ERG: variants seen among roughly 807,000 people sequenced by gnomAD.
The protein encoded by ERG is ETS transcription factor ERG.
ERG carries 9 observed loss-of-function variants against 55.3 expected under a neutral mutation model. The ratio of observed to expected loss-of-function variants is 0.16; its 90% CI spans 0.10 to 0.28. The LOEUF is 0.28. Among genes scored for constraint, ERG ranks in the 10% least tolerant of loss-of-function variants. The probability of loss-of-function intolerance (pLI) is 1.00; values close to 1 mark genes in which losing one functional copy is unlikely to be tolerated. For synonymous variants in ERG, 223 were observed against 237.3 expected (o/e 0.94, Z 0.55); for missense variants, 434 against 631.6 (o/e 0.69, Z 3.35).
At chr21:38,658,315 A>G (rs2058633888) in intron 1 of ERG, among the ~76,000 whole-genome samples, 1 of 152,186 alleles carries the variant, frequency 6.6e-6, no homozygotes. Context: ...CAGGCTCCAT[A>G]AGTCTCATTA....
intron 1 of ERG, among the ~76,000 whole-genome samples, chr21:38,657,762 T>A (rs2060528096): frequency 6.6e-6 from 1 of 152,172 alleles, no homozygotes; most frequent in Admixed American, 6.5e-5. Flanking sequence ...TGACAATGCA[T>A]AATGGACAAC....
chr21:38,570,108 C>T (rs1464606675), intron 2 of ERG, among the ~76,000 whole-genome samples: 1 of 152,206 alleles, frequency 6.6e-6, no homozygotes, highest in Admixed American at 6.5e-5. Flanking sequence ...ACATCTTCAG[C>T]TTTACTAGGT....
At chr21:38,377,243 A>C (rs73213818), downstream of ERG, among the ~76,000 whole-genome samples, 68 of 152,350 alleles carry the variant, frequency 4.5e-4, no homozygotes, top group African/African-American at 1.5e-3. Context: ...AAGTAGTAGC[A>C]ATTAGTATTA....
At chr21:38,472,933 T>C (rs1281755690) in intron 1 of ERG, among the ~76,000 whole-genome samples, 1 of 152,162 alleles carries the variant, frequency 6.6e-6, no homozygotes, top group East Asian at 1.9e-4. Flanking sequence ...GAAATGAGTT[T>C]TGCAGCCCAT....
At chr21:38,594,750 CAAT>C (rs1240304136) in intron 1 of ERG, among the ~76,000 whole-genome samples, 2 of 152,150 alleles carry the variant, frequency 1.3e-5, no homozygotes, top group African/African-American at 4.8e-5. Flanking sequence ...ATCCAGACAA[CAAT>C]AATAACTTAG....
intron 1 of ERG, among the ~76,000 whole-genome samples, chr21:38,455,515 C>T (rs1051213065): frequency 2.0e-5 from 3 of 152,108 alleles, no homozygotes; most frequent in Non-Finnish European, 2.9e-5. Flanking sequence ...CGTGAAAAAT[C>T]GGCAGTTTTA....
At chr21:38,442,000 G>A (rs1244697266) in intron 2 of ERG, among the ~76,000 whole-genome samples, 4 of 152,238 alleles carry the variant, frequency 2.6e-5, no homozygotes, top group Non-Finnish European at 5.9e-5. Flanking sequence ...CATCACCGAT[G>A]CTTTAGGAGC....
chr21:38,382,118 C>A lies in ERG; in HGVS notation c.*1285G>T. The A allele has an allele frequency of 1.9e-6, 2 of 1,055,302 alleles. No homozygotes were observed. The highest frequency in any genetic ancestry group is 2.3e-6 in the Non-Finnish European group (2 of 872,882). The allele number at this position is 1,055,302 out of a possible 1,614,324, so 65.4% of individuals were successfully genotyped here. A position where few individuals can be genotyped will look rare whatever the true frequency, so the allele number is the denominator to read the frequency against. ...CTTCATATTGTAAACATTAAGCATA[C>A]AGAGTTAAAATTCAAGGCCACATTA... On this transcript the variant is annotated 3_prime_UTR_variant, in exon 10 of 10. Transcript: ENST00000288319.
intron 3 of ERG, among the ~76,000 whole-genome samples, chr21:38,423,084 AGT>A (rs71184624): frequency 0.12 from 16,619 of 144,228 alleles, 1,048 homozygotes; most frequent in Middle Eastern, 0.19. Context: ...CTCCATACGT[AGT>A]GTGTGTGTGT....
upstream of ERG, among the ~76,000 whole-genome samples, chr21:38,499,220 G>A (rs1020505377): frequency 2.0e-5 from 3 of 152,160 alleles, no homozygotes; most frequent in African/African-American, 7.2e-5. Flanking sequence ...ATATCAGTGA[G>A]CTGGTCTCAC....
In ERG at chr21:38,424,057, C is replaced by T. The variant is rs149483136; in HGVS notation, c.237-496G>A. ...CTCCCGAAATGCATATTTTGAAGCCCTAACTCCCAATGTGATGATATTAGG... is the reference window on the plus strand; with the variant it reads ...CTCCCGAAATGCATATTTTGAAGCCTTAACTCCCAATGTGATGATATTAGG... On this transcript the variant is annotated intron_variant, in intron 2 of 9. Transcript: ENST00000288319. 3.3e-5 allele frequency among the ~76,000 whole-genome samples: 5 copies of T among 152,240 alleles called. No homozygotes were observed. The East Asian group carries it at 9.7e-4, about 29-fold the overall frequency.
At chr21:38,591,936 G>T (rs1283455914) in intron 1 of ERG, among the ~76,000 whole-genome samples, 3 of 152,326 alleles carry the variant, frequency 2.0e-5, no homozygotes, top group South Asian at 4.1e-4. Context: ...TATGTTTATA[G>T]ACAGGATAAA....
At chr21:38,424,187 G>GTCTCTCTCTCTCTCTCTCTCTCTCTCTCT (rs1569087250) in intron 2 of ERG, among the ~76,000 whole-genome samples, 1 of 110,078 alleles carries the variant, frequency 9.1e-6, no homozygotes, top group African/African-American at 3.2e-5. Flanking sequence ...CAGAGCTCGA[G>GTCTCTCTCTCTCTCTCTCTCTCTCTCTCT]CTCTCTCTCT....
At chr21:38,623,589 C>T (rs943945657) in intron 1 of ERG, among the ~76,000 whole-genome samples, 4 of 152,198 alleles carry the variant, frequency 2.6e-5, no homozygotes, top group African/African-American at 4.8e-5. Context: ...TCCAGTCACA[C>T]CGTACATCAG....
chr21:38,569,513 T>C (rs955581741), intron 2 of ERG, among the ~76,000 whole-genome samples: 4 of 152,262 alleles, frequency 2.6e-5, no homozygotes, highest in Non-Finnish European at 4.4e-5. Context: ...AAGACTGACT[T>C]CACTATGAGC....
chr21:38,459,583 A>G (rs1023270078), intron 1 of ERG, among the ~76,000 whole-genome samples: 2 of 152,152 alleles, frequency 1.3e-5, no homozygotes, highest in Non-Finnish European at 2.9e-5. Context: ...TCACCCCCTA[A>G]ACTGGTTATT....
chr21:38,487,124 T>A (rs921284624), intron 1 of ERG, among the ~76,000 whole-genome samples: 1 of 103,538 alleles, frequency 9.7e-6, no homozygotes, highest in African/African-American at 3.5e-5. Context: ...ACTCCTCTTT[T>A]TTTTTTTTTT....
chr21:38,536,104 T>C (rs2059708068), intron 2 of ERG, among the ~76,000 whole-genome samples: 1 of 151,962 alleles, frequency 6.6e-6, no homozygotes. Flanking sequence ...AGGGATGGAG[T>C]ACATGTGATG....
At chr21:38,492,114 C>G (rs1301573228) in intron 1 of ERG, among the ~76,000 whole-genome samples, 1 of 152,086 alleles carries the variant, frequency 6.6e-6, no homozygotes, top group African/African-American at 2.4e-5. Context: ...GGGTGAATAG[C>G]AGGAAAAAAG....
Sources: gnomAD v4.1 joint callset for allele counts (sites outside exome capture counted in the v4.1 genomes callset) on GRCh38, gnomAD v4.1.1 for gene constraint, MANE v1.5 for transcripts, NCBI Gene and HGNC (gene_info 2026-07-23, HGNC 2026-07-21) for gene names.